The following FLOT2 variants were observed in gnomAD, a reference collection of about 807,000 sequenced individuals.
The protein encoded by FLOT2 is flotillin-2.
A neutral mutation model predicts 54.9 loss-of-function variants in FLOT2; 35 were observed. The ratio of observed to expected loss-of-function variants is 0.64; its 90% confidence interval spans 0.49 to 0.84. The LOEUF is 0.84. Ranked by LOEUF, FLOT2 falls within the 40% of genes least tolerant of loss-of-function variation. FLOT2 has a pLI of 0.00. For missense variants in FLOT2, 464 were observed against 572.1 expected, an observed-to-expected ratio of 0.81 and a Z score of 1.93; for synonymous variants, 207 against 228.9, an observed-to-expected ratio of 0.90 and a Z score of 0.86.
Position 28,897,371 on chromosome 17 carries a change from G to A in FLOT2, c.49+155C>T, listed in dbSNP as rs1229938841. On this transcript the variant is annotated intron_variant, in intron 1 of 10. Transcript: ENST00000394908. The surrounding 1 kb of genome is among the most constrained non-coding windows in gnomAD (Gnocchi z 4.4). ...TGCGCAGCAAGGAAAGCGTGAGCAC[G>A]AGATCTCTCTTGGAAGGGGCCTCAG... 4.7e-6 allele frequency: 3 copies of A among 635,352 alleles called. No individual in the cohort carries two copies. In the East Asian group the frequency reaches 1.0e-4, roughly 22 times the overall value. 39.4% of individuals were successfully genotyped at this position (635,352 alleles called of 1,614,324 possible).
Position 28,897,503 on chromosome 17 carries a change from C to G in FLOT2, c.49+23G>C. 6.3e-7 allele frequency: 1 copy of G among 1,599,728 alleles called. No individual in the cohort carries two copies. The highest frequency in any genetic ancestry group is 8.5e-7 in the Non-Finnish European group (1 of 1,173,292). On this transcript the variant is annotated intron_variant, in intron 1 of 10. Coordinates refer to ENST00000394908, the MANE Select transcript of FLOT2 (RefSeq NM_004475.3). This position sits in a 1 kb window ranked among gnomAD's most constrained non-coding sequence, Gnocchi z 4.4. ...CACCCCGAGCACCCTCCACAGCTCC[C>G]ACCTTCCTCGCCGCCCCCTCACCTG...
intron 2 of FLOT2, chr17:28,886,069 A>T (rs1461110331): frequency 1.6e-6 from 1 of 640,214 alleles, no homozygotes; most frequent in Non-Finnish European, 2.8e-6. Flanking sequence ...GGGGGGGGGC[A>T]TGCTGTCAGT....
chr17:28,881,161 AC>A, intron 9 of FLOT2, 30 bp downstream of exon 9: 1 of 1,597,414 alleles, frequency 6.3e-7, no homozygotes. Context: ...GGACACTTGA[AC>A]CCTAGGACCC....
rs1035106396 is a variant in FLOT2 at position 28,884,601 on chromosome 17, C to T, written c.132-286G>A. Among the ~76,000 whole-genome samples, 5 of 152,128 alleles carry T rather than the reference C, an allele frequency of 3.3e-5. No homozygotes were observed. Among genetic ancestry groups the T allele is most frequent in the South Asian group, 2.1e-4 (1 of 4,828 alleles). On this transcript the variant is annotated intron_variant, in intron 2 of 10. Coordinates refer to ENST00000394908, the MANE Select transcript of FLOT2 (RefSeq NM_004475.3). The surrounding 1 kb of genome is among the most constrained non-coding windows in gnomAD (Gnocchi z 5.1). Reference sequence around the variant, plus strand: ...GTAGAAAGAAGTGGTTGTGGGTGGTCGGGGGCTGTTGGTCAGGGGAGAATC... The same window carrying T: ...GTAGAAAGAAGTGGTTGTGGGTGGTTGGGGGCTGTTGGTCAGGGGAGAATC...
Position 28,884,457 on chromosome 17 carries a change from G to A in FLOT2, c.132-142C>T. On this transcript the variant is annotated intron_variant, in intron 2 of 10. Transcript: ENST00000394908. The surrounding 1 kb of genome is among the most constrained non-coding windows in gnomAD (Gnocchi z 5.1). Reference sequence around the variant, plus strand: ...GACTCTCCACGGGGCTGAGATGGGAGTGTCTGAGAAGGAGGTGGGCACGAG... The same window carrying A: ...GACTCTCCACGGGGCTGAGATGGGAATGTCTGAGAAGGAGGTGGGCACGAG... 2 of 608,252 alleles carry A rather than the reference G, an allele frequency of 3.3e-6. No homozygotes were observed. The highest frequency in any genetic ancestry group is 5.9e-6 in the Non-Finnish European group (2 of 341,716). The allele number at this position is 608,252 out of a possible 1,614,324, so 37.7% of individuals were successfully genotyped here. A position where few individuals can be genotyped will look rare whatever the true frequency, so the allele number is the denominator to read the frequency against.
In FLOT2 at chr17:28,880,230, C is replaced by T. The variant is rs11547605; in HGVS notation, c.*331G>A. ...TCTGAGGAGCAGCAGGGCCACCCCCCACAGAGAGTGATTGTAATAAACATC... is the reference window on the plus strand; with the variant it reads ...TCTGAGGAGCAGCAGGGCCACCCCCTACAGAGAGTGATTGTAATAAACATC... On this transcript the variant is annotated 3_prime_UTR_variant, in exon 11 of 11. Transcript: ENST00000394908. 6 of 1,184,538 alleles carry T rather than the reference C, an allele frequency of 5.1e-6. No homozygotes were observed. The highest frequency in any genetic ancestry group is 5.3e-6 in the Non-Finnish European group (5 of 950,372). 73.4% of individuals were successfully genotyped at this position (1,184,538 alleles called of 1,614,324 possible).
At chr17:28,891,364 C>CTT (rs1413241848) in intron 1 of FLOT2, among the ~76,000 whole-genome samples, 1 of 152,126 alleles carries the variant, frequency 6.6e-6, no homozygotes, top group Non-Finnish European at 1.5e-5. Flanking sequence ...CACACAGTGT[C>CTT]TTGTGTGTCA....
Position 28,884,232 on chromosome 17 carries a change from A to G in FLOT2, c.215T>C (p.Val72Ala), listed in dbSNP as rs2039504117. 3 of 1,612,008 alleles carry G rather than the reference A, an allele frequency of 1.9e-6. No individual in the cohort carries two copies. Among genetic ancestry groups the G allele is most frequent in the Non-Finnish European group, 2.5e-6 (3 of 1,178,294 alleles). ...GCTGCTGAGTTACTATACCTGGGCG[A>G]CACCCGTCACAGTTAAAGCTACCCC... ...AEGVALTVTG[V>A]AQVKIMTEKE... is the part of the protein sequence containing the mutation. Residue 72 changes from valine (V) to alanine (A), a missense_variant, in exon 3 of 11, where the codon GTC becomes GCC. Physicochemically the swap from Val to Ala is moderately conservative, Grantham distance 64 (BLOSUM62 0). Coordinates refer to ENST00000394908, the MANE Select transcript of FLOT2 (RefSeq NM_004475.3). This position sits in a 1 kb window ranked among gnomAD's most constrained non-coding sequence, Gnocchi z 5.1.
Position 28,897,406 on chromosome 17 carries a change from G to A in FLOT2, c.49+120C>T. The A allele has an allele frequency of 1.1e-6, 1 of 941,214 alleles. No individual in the cohort carries two copies. Among genetic ancestry groups the A allele is most frequent in the Non-Finnish European group, 1.6e-6 (1 of 643,690 alleles). The allele number at this position is 941,214 out of a possible 1,614,324, so 58.3% of individuals were successfully genotyped here. On this transcript the variant is annotated intron_variant, in intron 1 of 10. Coordinates refer to ENST00000394908, the MANE Select transcript of FLOT2 (RefSeq NM_004475.3). This position sits in a 1 kb window ranked among gnomAD's most constrained non-coding sequence, Gnocchi z 4.4. ...TTGGAAGGGGCCTCAGGTGCGGCCC[G>A]GGGGCCAGCGCCCTGCGCCGCGCGG...
In FLOT2 at chr17:28,897,587, A is replaced by G; in HGVS notation, c.-13T>C. 1 of 1,591,608 alleles carries G rather than the reference A, an allele frequency of 6.3e-7. No individual in the cohort carries two copies. Among genetic ancestry groups the G allele is most frequent in the Non-Finnish European group, 8.5e-7 (1 of 1,169,818 alleles). ...GGCAATTGCCCATGGCGCCGGCGGCACGGAGGGCCCTCGGGACCGCACAGA... is the reference window on the plus strand; with the variant it reads ...GGCAATTGCCCATGGCGCCGGCGGCGCGGAGGGCCCTCGGGACCGCACAGA... On this transcript the variant is annotated 5_prime_UTR_variant, in exon 1 of 11. Transcript: ENST00000394908. This position sits in a 1 kb window ranked among gnomAD's most constrained non-coding sequence, Gnocchi z 4.4.
chr17:28,893,935 G>A (rs542417377), intron 1 of FLOT2, among the ~76,000 whole-genome samples: 1 of 152,354 alleles, frequency 6.6e-6, no homozygotes, highest in Non-Finnish European at 1.5e-5. Flanking sequence ...GCCCTTAAAA[G>A]GGACAGAAAT....
At chr17:28,895,025 C>G (rs1200735791) in intron 1 of FLOT2, among the ~76,000 whole-genome samples, 1 of 146,498 alleles carries the variant, frequency 6.8e-6, no homozygotes, top group Non-Finnish European at 1.5e-5. Flanking sequence ...GATCCTCCCA[C>G]CTCAGCCTCC....
chr17:28,880,892 G>T (rs758514582), intron 9 of FLOT2, 30 bp from the exon 10 acceptor site: 2 of 1,613,078 alleles, frequency 1.2e-6, no homozygotes, highest in East Asian at 4.5e-5. Flanking sequence ...GGACAGCCTG[G>T]TTGGCGCTGA....
Position 28,882,464 on chromosome 17 carries a change from G to A in FLOT2, c.466-14C>T. 2.5e-6 allele frequency: 4 copies of A among 1,611,622 alleles called. No individual in the cohort carries two copies. The highest frequency in any genetic ancestry group is 3.4e-6 in the Non-Finnish European group (4 of 1,177,902). ...GTCATACACGTCCTGGGGAGGGAAGGGGGTATCAGAGGCTCAAAGGAGCAG... is the reference window on the plus strand; with the variant it reads ...GTCATACACGTCCTGGGGAGGGAAGAGGGTATCAGAGGCTCAAAGGAGCAG... On this transcript the variant is annotated splice_polypyrimidine_tract_variant and intron_variant, in intron 5 of 10. Transcript: ENST00000394908. The surrounding 1 kb of genome is among the most constrained non-coding windows in gnomAD (Gnocchi z 5.6).
chr17:28,883,071 C>A lies in FLOT2; in HGVS notation c.346+37G>T. The A allele has an allele frequency of 4.3e-6, 7 of 1,609,532 alleles. No homozygotes were observed. Among genetic ancestry groups the A allele is most frequent in the Non-Finnish European group, 5.9e-6 (7 of 1,176,612 alleles). On this transcript the variant is annotated intron_variant, in intron 4 of 10. Transcript: ENST00000394908. The surrounding 1 kb of genome is among the most constrained non-coding windows in gnomAD (Gnocchi z 5.0). The stretch of plus-strand genomic sequence containing the variant: ...ACACCTCCCTGCCTTGGCTTAGGGG[C>A]CCCGTGAGGCTCCTCAAAGGCTGAA...
intron 1 of FLOT2, among the ~76,000 whole-genome samples, chr17:28,896,571 T>C (rs927786959): frequency 6.6e-6 from 1 of 152,166 alleles, no homozygotes; most frequent in Admixed American, 6.5e-5. Flanking sequence ...GGAATGAAAA[T>C]TCCCAGTGGA....
At position 28,884,764 on chromosome 17, in the gene FLOT2, G is replaced by T. The variant is rs1006889580; in HGVS notation, c.132-449C>A. ...ATTCCTTGGTCTACCCAGCACCCCA[G>T]GGTGCCCCAGGAAGTTGCTTGGAAA... On this transcript the variant is annotated intron_variant, in intron 2 of 10. Transcript: ENST00000394908. The surrounding 1 kb of genome is among the most constrained non-coding windows in gnomAD (Gnocchi z 5.1). 6.6e-5 allele frequency among the ~76,000 whole-genome samples: 10 copies of T among 152,184 alleles called. No individual in the cohort carries two copies. The highest frequency in any genetic ancestry group is 2.2e-4 in the African/African-American group (9 of 41,458).
rs536515720 is a variant in FLOT2 at position 28,888,852 on chromosome 17, C to G, written c.131+93G>C. 6.1e-4 allele frequency: 383 copies of G among 622,844 alleles called. 2 individuals are homozygous for G. The highest frequency in any genetic ancestry group is 2.4e-3 in the Admixed American group (97 of 40,702). The allele number at this position is 622,844 out of a possible 1,614,324, so 38.6% of individuals were successfully genotyped here. ...ATGGAATGTGGAAATGGTAGATGCT[C>G]TAGCTGACCCTCAGAGTGAAGCAGA... On this transcript the variant is annotated intron_variant, in intron 2 of 10. Transcript: ENST00000394908.
At chr17:28,896,861 C>T (rs1363644272) in intron 1 of FLOT2, among the ~76,000 whole-genome samples, 1 of 152,158 alleles carries the variant, frequency 6.6e-6, no homozygotes, top group Non-Finnish European at 1.5e-5. Context: ...TATAAAATCT[C>T]AATAGCAGTT....
Sources: gnomAD v4.1 joint callset for allele counts (sites outside exome capture counted in the v4.1 genomes callset) on GRCh38, gnomAD v4.1.1 for gene constraint, Gnocchi (gnomAD v3.1) non-coding constraint, MANE v1.5 for transcripts, NCBI Gene and HGNC (gene_info 2026-07-23, HGNC 2026-07-21) for gene names.